Variants in RBMS3 observed in about 807,000 individuals in gnomAD.
RBMS3 encodes RNA-binding motif, single-stranded-interacting protein 3.
Under a neutral mutation model 66.8 loss-of-function variants are expected in RBMS3, and 27 were observed. The observed-to-expected ratio is 0.40, with a 90% confidence interval of 0.30 to 0.56. The LOEUF (loss-of-function observed/expected upper bound fraction) is 0.56. Ranked by LOEUF, RBMS3 falls within the 20% of genes least tolerant of loss-of-function variation. RBMS3 has a pLI of 0.40. For synonymous variants in RBMS3, 188 were observed against 183.0 expected (o/e 1.03, Z -0.22); for missense variants, 513 against 549.5 (o/e 0.93, Z 0.66).
chr3:29,738,512 G>A (rs909477644), intron 4 of RBMS3, among the ~76,000 whole-genome samples: 1 of 152,204 alleles, frequency 6.6e-6, no homozygotes, highest in Admixed American at 6.5e-5. Context: ...AATAATGCTA[G>A]TAATTGTGGT....
intron 3 of RBMS3, among the ~76,000 whole-genome samples, chr3:29,516,601 C>A (rs2044637689): frequency 6.6e-6 from 1 of 151,966 alleles, no homozygotes; most frequent in Non-Finnish European, 1.5e-5. Context: ...TGCCACCATG[C>A]CTAAGAAGGT....
intron 1 of RBMS3, among the ~76,000 whole-genome samples, chr3:29,300,522 T>C (rs1173836990): frequency 2.0e-5 from 3 of 151,960 alleles, no homozygotes; most frequent in African/African-American, 7.2e-5. Context: ...TACCATACTG[T>C]TAGAATTTAA....
chr3:29,392,266 C>T (rs552676751), intron 1 of RBMS3, among the ~76,000 whole-genome samples: 20 of 151,996 alleles, frequency 1.3e-4, no homozygotes, highest in Non-Finnish European at 2.2e-4. Context: ...AAAAAGAAAA[C>T]GTAGAGAAAA....
intron 2 of RBMS3, among the ~76,000 whole-genome samples, chr3:29,461,856 C>T (rs1012543627): frequency 6.6e-6 from 1 of 151,262 alleles, no homozygotes; most frequent in South Asian, 2.1e-4. Flanking sequence ...CAGGTTCATG[C>T]CATTCTCCTG....
At chr3:29,596,182 A>G (rs2047936529) in intron 4 of RBMS3, among the ~76,000 whole-genome samples, 2 of 152,204 alleles carry the variant, frequency 1.3e-5, no homozygotes, top group Non-Finnish European at 1.5e-5. Flanking sequence ...TTAACCAACT[A>G]TAATTGCTTT....
intron 10 of RBMS3, among the ~76,000 whole-genome samples, chr3:29,900,389 A>C (rs2060223992): frequency 6.6e-6 from 1 of 151,758 alleles, no homozygotes; most frequent in South Asian, 2.1e-4. Flanking sequence ...AAATATTCAA[A>C]TTCTCTTTTT....
At chr3:29,861,626 C>T (rs2059219373) in intron 6 of RBMS3, among the ~76,000 whole-genome samples, 2 of 152,122 alleles carry the variant, frequency 1.3e-5, no homozygotes, top group Non-Finnish European at 2.9e-5. Flanking sequence ...AAATTGTAAA[C>T]AGAAAATCAA....
chr3:29,602,711 G>A (rs1456545625), intron 4 of RBMS3, among the ~76,000 whole-genome samples: 2 of 151,918 alleles, frequency 1.3e-5, no homozygotes, highest in Admixed American at 1.3e-4. Flanking sequence ...TCTATAAAAT[G>A]AATTATGCAT....
At chr3:29,980,997 A>G (rs1697945716) in intron 12 of RBMS3, among the ~76,000 whole-genome samples, 1 of 152,196 alleles carries the variant, frequency 6.6e-6, no homozygotes, top group African/African-American at 2.4e-5. Flanking sequence ...TGGGAATAGC[A>G]TTGAATCTAT....
chr3:29,549,335 C>T (rs971227398), intron 3 of RBMS3, among the ~76,000 whole-genome samples: 2 of 151,634 alleles, frequency 1.3e-5, no homozygotes, highest in African/African-American at 4.8e-5. Context: ...TGCTTTTGGT[C>T]CTCTAGTCCT....
chr3:29,483,611 C>T (rs2043220484), intron 2 of RBMS3, among the ~76,000 whole-genome samples: 1 of 152,188 alleles, frequency 6.6e-6, no homozygotes, highest in African/African-American at 2.4e-5. Context: ...TTGAGTATAT[C>T]AAACTCGAAA....
chr3:29,517,718 T>C (rs1250915406), intron 3 of RBMS3, among the ~76,000 whole-genome samples: 2 of 152,196 alleles, frequency 1.3e-5, no homozygotes, highest in Non-Finnish European at 2.9e-5. Flanking sequence ...GGGGGAATAC[T>C]GGGTTTTTGT....
intron 4 of RBMS3, among the ~76,000 whole-genome samples, chr3:29,662,369 A>G (rs1233838057): frequency 6.6e-6 from 1 of 152,206 alleles, no homozygotes; most frequent in Non-Finnish European, 1.5e-5. Flanking sequence ...AGATTAACTG[A>G]CAATAAATAA....
rs1243936763 is a variant in RBMS3, at chr3:29,837,270, A to T, written c.638-31588A>T. Among the ~76,000 whole-genome samples the T allele has an allele frequency of 2.0e-5, 3 of 152,008 alleles. No homozygotes were observed. The East Asian group carries it at 5.8e-4, about 29-fold the overall frequency. On this transcript the variant is annotated intron_variant, in intron 6 of 14. Coordinates refer to ENST00000383767, the MANE Select transcript of RBMS3 (RefSeq NM_001003793.3). The stretch of plus-strand genomic sequence containing the variant: ...TAGTGAGCATAGAATAATATTTTTA[A>T]ACTCTTTATATTGTTGTTTATTACT...
intron 1 of RBMS3, among the ~76,000 whole-genome samples, chr3:29,375,330 A>G (rs946455140): frequency 6.6e-6 from 1 of 152,186 alleles, no homozygotes; most frequent in Non-Finnish European, 1.5e-5. Flanking sequence ...ACCAAAAGCA[A>G]TTGTGACAAA....
At chr3:29,303,088 C>T (rs113992445) in intron 1 of RBMS3, among the ~76,000 whole-genome samples, 1 of 151,940 alleles carries the variant, frequency 6.6e-6, no homozygotes, top group Non-Finnish European at 1.5e-5. Context: ...GTGGTGGACC[C>T]CTGAACAGCC....
At chr3:29,828,025 G>A (rs2058254058) in intron 6 of RBMS3, among the ~76,000 whole-genome samples, 3 of 151,890 alleles carry the variant, frequency 2.0e-5, no homozygotes, top group South Asian at 4.2e-4. Flanking sequence ...GCTTCAGTAA[G>A]ACCATTGACT....
At chr3:29,823,498 T>G (rs1182798560) in intron 6 of RBMS3, among the ~76,000 whole-genome samples, 1 of 152,166 alleles carries the variant, frequency 6.6e-6, no homozygotes, top group Non-Finnish European at 1.5e-5. Context: ...ATTCGTCCAT[T>G]ACTAACAATG....
At position 29,997,423 on chromosome 3, in the gene RBMS3, G is replaced by C. The variant is rs987484233; in HGVS notation, c.1307+6214G>C. ...ATCCTCCCTAACTCATTTTATGAGG[G>C]CAGCATCATTCTGATACCAAAGCCG... On this transcript the variant is annotated intron_variant, in intron 14 of 14. Coordinates refer to ENST00000383767, the MANE Select transcript of RBMS3 (RefSeq NM_001003793.3). Among the ~76,000 whole-genome samples, 41 of 149,374 alleles carry C rather than the reference G, an allele frequency of 2.7e-4. 1 individual carries two copies. The highest frequency in any genetic ancestry group is 1.6e-3 in the Admixed American group (24 of 14,856).
Sources: allele counts gnomAD v4.1 joint callset (sites outside exome capture counted in the v4.1 genomes callset), GRCh38; gene constraint gnomAD v4.1.1; transcripts MANE v1.5; gene names NCBI Gene and HGNC (gene_info 2026-07-23, HGNC 2026-07-21).